The following IGF2BP3 variants were observed in gnomAD, a reference collection of about 807,000 sequenced individuals.
IGF2BP3 encodes insulin-like growth factor 2 mRNA-binding protein 3.
A neutral mutation model predicts 73.8 loss-of-function variants in IGF2BP3; 9 were observed. The observed-to-expected ratio is 0.12, with a 90% confidence interval of 0.07 to 0.21. The LOEUF (loss-of-function observed/expected upper bound fraction) is 0.21, where lower values mean the gene tolerates loss of function less well. Among genes scored for constraint, IGF2BP3 ranks in the 10% least tolerant of loss-of-function variants. The pLI, the probability that IGF2BP3 is intolerant of heterozygous loss-of-function variation, is 1.00. For missense variants in IGF2BP3, 542 were observed against 714.0 expected (o/e 0.76, Z 2.75); for synonymous variants, 258 against 256.7 (o/e 1.01, Z -0.05).
chr7:23,386,644 T>C (rs562176627), intron 3 of IGF2BP3, among the ~76,000 whole-genome samples: 2 of 152,350 alleles, frequency 1.3e-5, no homozygotes, highest in South Asian at 4.1e-4. Flanking sequence ...CCAAATAATT[T>C]ATGTAGACGG....
intron 2 of IGF2BP3, among the ~76,000 whole-genome samples, chr7:23,424,721 G>C (rs1419905047): frequency 6.6e-6 from 1 of 151,856 alleles, no homozygotes; most frequent in Non-Finnish European, 1.5e-5. Context: ...CCCCCACACC[G>C]GCCCTGCCTA....
intron 2 of IGF2BP3, among the ~76,000 whole-genome samples, chr7:23,460,687 C>T (rs1788429278): frequency 6.6e-6 from 1 of 152,096 alleles, no homozygotes; most frequent in African/African-American, 2.4e-5. Flanking sequence ...CAGTGGCTCA[C>T]GCCTGTAATC....
At chr7:23,418,716 A>G (rs1358648616) in intron 3 of IGF2BP3, 60 bp downstream of exon 3, 5 of 1,137,290 alleles carry the variant, frequency 4.4e-6, no homozygotes, top group Non-Finnish European at 6.4e-6. Context: ...AAGCTTTGAA[A>G]AAACTAACAG....
At chr7:23,341,950 C>T (rs950559929) in intron 10 of IGF2BP3, 114 bp downstream of exon 10, 2 of 1,183,120 alleles carry the variant, frequency 1.7e-6, no homozygotes, top group Non-Finnish European at 1.1e-6. Context: ...AAGAAGGCTC[C>T]ATTAGCAAGA....
At chr7:23,401,962 C>T (rs539638585) in intron 3 of IGF2BP3, among the ~76,000 whole-genome samples, 37 of 152,060 alleles carry the variant, frequency 2.4e-4, no homozygotes, top group Admixed American at 3.9e-4. Context: ...ACTAAAATTA[C>T]GAAAATTAGC....
At chr7:23,448,992 G>A (rs902315030) in intron 2 of IGF2BP3, among the ~76,000 whole-genome samples, 2 of 152,060 alleles carry the variant, frequency 1.3e-5, no homozygotes, top group Non-Finnish European at 2.9e-5. Flanking sequence ...TTCCCAAAGC[G>A]CTGGGATTAC....
intron 10 of IGF2BP3, among the ~76,000 whole-genome samples, chr7:23,332,177 C>A (rs1258168283): frequency 6.6e-6 from 1 of 152,124 alleles, no homozygotes; most frequent in African/African-American, 2.4e-5. Flanking sequence ...CAACTAGTTT[C>A]CTACAAATGA....
chr7:23,418,543 C>T (rs895337043), intron 3 of IGF2BP3, among the ~76,000 whole-genome samples: 1 of 152,120 alleles, frequency 6.6e-6, no homozygotes, highest in Non-Finnish European at 1.5e-5. Context: ...AGAAAGATTA[C>T]CCAGTTACCC....
chr7:23,423,862 G>A (rs1184075519), intron 2 of IGF2BP3, among the ~76,000 whole-genome samples: 1 of 152,198 alleles, frequency 6.6e-6, no homozygotes, highest in Non-Finnish European at 1.5e-5. Flanking sequence ...GCTTAAGCCT[G>A]TAATCCCAGC....
At chr7:23,367,110 CTGGGATTACATGCA>C (rs1785397721) in intron 3 of IGF2BP3, among the ~76,000 whole-genome samples, 1 of 151,398 alleles carries the variant, frequency 6.6e-6, no homozygotes. Context: ...TCCTGAGTAG[CTGGGATTACATGCA>C]TGTGCCACCA....
chr7:23,346,098 G>A, intron 7 of IGF2BP3, 36 bp from the exon 8 acceptor site: 3 of 1,587,296 alleles, frequency 1.9e-6, no homozygotes, highest in Non-Finnish European at 2.6e-6. Flanking sequence ...ATTAGAATAA[G>A]TAAACCTATT....
chr7:23,399,083 T>A (rs1786573506), intron 3 of IGF2BP3, among the ~76,000 whole-genome samples: 2 of 152,236 alleles, frequency 1.3e-5, no homozygotes, highest in African/African-American at 2.4e-5. Flanking sequence ...AATTAATTTT[T>A]GTATAAGGTG....
intron 3 of IGF2BP3, among the ~76,000 whole-genome samples, chr7:23,406,258 G>A (rs890948886): frequency 1.3e-5 from 2 of 152,086 alleles, no homozygotes; most frequent in African/African-American, 4.8e-5. Context: ...ACAGTTACAG[G>A]AAGTGCACAA....
At chr7:23,387,156 G>C (rs1157235907) in intron 3 of IGF2BP3, among the ~76,000 whole-genome samples, 1 of 152,088 alleles carries the variant, frequency 6.6e-6, no homozygotes, top group African/African-American at 2.4e-5. Context: ...AAGTCATATT[G>C]CTTGTATGTG....
At position 23,351,482 on chromosome 7, in the gene IGF2BP3, C is replaced by T. The variant is rs748099553; in HGVS notation, c.506G>A (p.Arg169Gln). The T allele has an allele frequency of 9.3e-6, 15 of 1,613,870 alleles. No individual in the cohort carries two copies. Among genetic ancestry groups the T allele is most frequent in the South Asian group, 2.2e-5 (2 of 91,060 alleles). Residue 169 changes from arginine (R) to glutamine (Q), a missense_variant, in exon 6 of 15, where the codon CGA becomes CAA. Physicochemically the swap from Arg to Gln is conservative, Grantham distance 43 (BLOSUM62 1). Coordinates refer to ENST00000258729, the MANE Select transcript of IGF2BP3 (RefSeq NM_006547.3). Reference protein sequence around the residue: ...AAQQNPLQQPRGRRGLGQRGS... With the variant: ...AAQQNPLQQPQGRRGLGQRGS... Reference sequence around the variant, plus strand: ...CCTCTGCCCAAGCCCCCGGCGACCTCGGGGCTGCTGCAAGGGGTTTTGCTG... The same window carrying T: ...CCTCTGCCCAAGCCCCCGGCGACCTTGGGGCTGCTGCAAGGGGTTTTGCTG...
At position 23,343,621 on chromosome 7, in the gene IGF2BP3, G is replaced by A. The variant is rs1033417993; in HGVS notation, c.1077+97C>T. On this transcript the variant is annotated intron_variant, in intron 9 of 14. Transcript: ENST00000258729. The stretch of plus-strand genomic sequence containing the variant: ...TAAAAATCAACTAGAACTACTTCTA[G>A]TGATAATGCCACAAAAGAATTCAAT... 3 of 1,197,822 alleles carry A rather than the reference G, an allele frequency of 2.5e-6. No homozygotes were observed. The African/African-American group carries it at 4.5e-5, about 18-fold the overall frequency. 74.2% of individuals were successfully genotyped at this position (1,197,822 alleles called of 1,614,324 possible).
chr7:23,418,690 T>A, intron 3 of IGF2BP3, 86 bp downstream of exon 3: 2 of 868,354 alleles, frequency 2.3e-6, no homozygotes, highest in Admixed American at 2.4e-5. Context: ...CACCCAAGAG[T>A]TGAGGAAAGG....
At chr7:23,374,645 C>T (rs1785660496) in intron 3 of IGF2BP3, among the ~76,000 whole-genome samples, 1 of 152,030 alleles carries the variant, frequency 6.6e-6, no homozygotes, top group Non-Finnish European at 1.5e-5. Flanking sequence ...CCACTGCACT[C>T]CACCCTGGGT....
chr7:23,399,070 T>C (rs1300475364), intron 3 of IGF2BP3, among the ~76,000 whole-genome samples: 3 of 152,246 alleles, frequency 2.0e-5, no homozygotes, highest in Admixed American at 6.5e-5. Flanking sequence ...TTAATCCATC[T>C]TGAATTAATT....
Sources: allele counts gnomAD v4.1 joint callset (sites outside exome capture counted in the v4.1 genomes callset), GRCh38; gene constraint gnomAD v4.1.1; transcripts MANE v1.5; gene names NCBI Gene and HGNC (gene_info 2026-07-23, HGNC 2026-07-21).